MATR3: variants seen among roughly 807,000 people sequenced by gnomAD.
MATR3 encodes matrin-3.
A neutral mutation model predicts 85.5 loss-of-function variants in MATR3; 4 were observed. That is an observed-to-expected ratio of 0.05 (90% CI 0.02 to 0.11). The LOEUF is 0.11. Ranked by LOEUF, MATR3 falls within the 10% of genes least tolerant of loss-of-function variation. The pLI, the probability that MATR3 is intolerant of heterozygous loss-of-function variation, is 1.00. For synonymous variants in MATR3, 336 were observed against 343.1 expected (o/e 0.98, Z 0.23); for missense variants, 685 against 1,016.1 (o/e 0.67, Z 4.43).
At chr5:139,291,241 G>C (rs1461885920), upstream of MATR3, among the ~76,000 whole-genome samples, 1 of 152,142 alleles carries the variant, frequency 6.6e-6, no homozygotes, top group Non-Finnish European at 1.5e-5. Flanking sequence ...TTGCCTACTC[G>C]TCAGATATTA....
chr5:139,326,409 A>G, intron 14 of MATR3, 125 bp downstream of exon 14: 1 of 858,038 alleles, frequency 1.2e-6, no homozygotes. Context: ...TCCTGAAGAT[A>G]ACTTTTTATT....
rs759869873 is a variant in MATR3, at chr5:139,322,621, G to A, written c.1802G>A (p.Gly601Asp). The part of the protein sequence containing the change: ...KSRKRSYSPD[G>D]KESPSDKKSK... ...AGAAAAAGATCTTACTCTCCAGATG[G>A]CAAAGAATCTCCAAGTGATAAGAAA... The change falls in exon 12 of 15, where the codon GGC (glycine) becomes GAC (aspartate). Residue 601 changes from glycine to aspartate, a missense_variant. This residue lies in a region of MATR3 where 50 missense variants were observed against 133.4 expected (regional missense o/e 0.37). Coordinates refer to ENST00000394805, the MANE Select transcript of MATR3 (RefSeq NM_018834.6). 1.2e-5 allele frequency: 19 copies of A among 1,614,144 alleles called. No homozygotes were observed. Among genetic ancestry groups the A allele is most frequent in the Non-Finnish European group, 1.6e-5 (19 of 1,180,030 alleles).
intron 1 of MATR3, among the ~76,000 whole-genome samples, chr5:139,297,886 T>C (rs1036616138): frequency 3.9e-5 from 6 of 152,192 alleles, no homozygotes; most frequent in Non-Finnish European, 7.3e-5. Context: ...ACATTCTCTT[T>C]AATGTGGTTC....
At chr5:139,291,616 G>A (rs1347222856), upstream of MATR3, among the ~76,000 whole-genome samples, 6 of 152,104 alleles carry the variant, frequency 3.9e-5, no homozygotes, top group African/African-American at 9.7e-5. Flanking sequence ...TGGCTTCACC[G>A]CAACCTCCGC....
intron 12 of MATR3, 110 bp from the exon 13 acceptor site, chr5:139,325,330 C>T (rs1755795180): frequency 1.3e-6 from 2 of 1,573,384 alleles, no homozygotes; most frequent in Non-Finnish European, 1.7e-6. Flanking sequence ...GGTTTTGTCA[C>T]TCTAGATGAG....
At chr5:139,319,969 G>T (rs1342570496) in intron 9 of MATR3, among the ~76,000 whole-genome samples, 2 of 136,060 alleles carry the variant, frequency 1.5e-5, no homozygotes, top group African/African-American at 5.5e-5. Context: ...TTTTGAGACA[G>T]GGTCTCAAAA....
chr5:139,293,842 C>T, intron 1 of MATR3, 37 bp downstream of exon 1: 1 of 485,542 alleles, frequency 2.1e-6, no homozygotes, highest in East Asian at 3.5e-5. Flanking sequence ...GGTCGGGTGG[C>T]TGGGGGTTCT....
At chr5:139,306,424 T>C (rs1388347629) in intron 1 of MATR3, among the ~76,000 whole-genome samples, 1 of 152,168 alleles carries the variant, frequency 6.6e-6, no homozygotes, top group Non-Finnish European at 1.5e-5. Flanking sequence ...TGAGTACTGA[T>C]GGATGCTGAT....
intron 6 of MATR3, 78 bp from the exon 7 acceptor site, chr5:139,317,517 TA>T: frequency 7.3e-7 from 1 of 1,366,700 alleles, no homozygotes; most frequent in Non-Finnish European, 1.0e-6. Context: ...TTATAGATTA[TA>T]AAAAGTCCTA....
At chr5:139,297,607 G>T (rs1754223136) in intron 1 of MATR3, among the ~76,000 whole-genome samples, 1 of 152,140 alleles carries the variant, frequency 6.6e-6, no homozygotes, top group Admixed American at 6.5e-5. Flanking sequence ...ATGATAAAGT[G>T]CTGTTATCTG....
chr5:139,314,930 A>G (rs1375800999), intron 3 of MATR3, 194 bp downstream of exon 3: 1 of 540,206 alleles, frequency 1.9e-6, no homozygotes, highest in Admixed American at 3.0e-5. Flanking sequence ...TGCAGTAATA[A>G]TATTTTGTTA....
intron 9 of MATR3, among the ~76,000 whole-genome samples, chr5:139,319,764 C>A (rs1322025657): frequency 6.8e-6 from 1 of 147,374 alleles, no homozygotes; most frequent in Non-Finnish European, 1.5e-5. Context: ...AATTGCTTAA[C>A]TGGCAGGGGG....
chr5:139,312,632 T>C (rs554776388), intron 2 of MATR3: 1 of 152,258 alleles, frequency 6.6e-6, no homozygotes, highest in African/African-American at 2.4e-5. Flanking sequence ...TGAGTTCCAT[T>C]TTAGTTTACA....
At chr5:139,302,332 A>G (rs1754489714) in intron 1 of MATR3, among the ~76,000 whole-genome samples, 1 of 151,966 alleles carries the variant, frequency 6.6e-6, no homozygotes. Flanking sequence ...TCAAAAACAT[A>G]GATTAGAGAG....
chr5:139,278,921 G>A (rs373293227), intron 2 of MATR3: 14 of 517,266 alleles, frequency 2.7e-5, no homozygotes, highest in Admixed American at 1.7e-4. Context: ...GCAGTGTTTT[G>A]CACCTCTGAG....
chr5:139,320,091 G>A (rs1024030893), intron 9 of MATR3, among the ~76,000 whole-genome samples: 2 of 151,140 alleles, frequency 1.3e-5, no homozygotes, highest in Non-Finnish European at 3.0e-5. Context: ...GGCAGATCAC[G>A]AGGTCAGGAG....
At position 139,326,172 on chromosome 5, in the gene MATR3, A is replaced by G. The variant is rs1176282949; in HGVS notation, c.2381A>G (p.Tyr794Cys). Reference sequence around the variant, plus strand: ...ATGTTTGTATTTCTAGGTATAGACTATGTGATACCTAAAACAGGGTTTTAC... The same window carrying G: ...ATGTTTGTATTTCTAGGTATAGACTGTGTGATACCTAAAACAGGGTTTTAC... ...YQPNVPVGIDYVIPKTGFYCK... is the reference protein window; with the variant it reads ...YQPNVPVGIDCVIPKTGFYCK... The change falls in exon 14 of 15, where the codon TAT (tyrosine) becomes TGT (cysteine). Residue 794 changes from tyrosine to cysteine, a missense_variant. Tyr to Cys is a radical substitution (Grantham distance 194). Transcript: ENST00000394805. 1 of 1,604,244 alleles carries G rather than the reference A, an allele frequency of 6.2e-7. No homozygotes were observed. Among genetic ancestry groups the G allele is most frequent in the Non-Finnish European group, 8.5e-7 (1 of 1,172,386 alleles).
chr5:139,330,666 A>C lies in MATR3; in HGVS notation c.*1271A>C, dbSNP rs150746889. ...AAAAATGCTACAGGTGAACAAACAG[A>C]AGCTTATGTTTAGAGATATTGATGA... On this transcript the variant is annotated 3_prime_UTR_variant, in exon 15 of 15. Transcript: ENST00000394805. 6.6e-4 allele frequency: 300 copies of C among 454,152 alleles called. No individual in the cohort carries two copies. The highest frequency in any genetic ancestry group is 5.4e-3 in the African/African-American group (273 of 50,146). The allele number at this position is 454,152 out of a possible 1,614,324, so 28.1% of individuals were successfully genotyped here.
intron 9 of MATR3, among the ~76,000 whole-genome samples, chr5:139,321,503 C>T (rs1475679564): frequency 6.6e-6 from 1 of 151,676 alleles, no homozygotes; most frequent in Non-Finnish European, 1.5e-5. Context: ...AAATTTTTAG[C>T]CGGGTGTGGT....
Sources: gnomAD v4.1 joint callset for allele counts (sites outside exome capture counted in the v4.1 genomes callset) on GRCh38, gnomAD v4.1.1 for gene constraint, gnomAD v4.1.1 regional missense constraint, MANE v1.5 for transcripts, NCBI Gene and HGNC (gene_info 2026-07-23, HGNC 2026-07-21) for gene names.